The following SNX29 variants were observed in gnomAD, a reference collection of about 807,000 sequenced individuals.
The protein encoded by SNX29 is sorting nexin-29.
In SNX29, 78 loss-of-function variants were observed where a neutral mutation model predicts 102.1. The ratio of observed to expected loss-of-function variants is 0.76; its 90% CI spans 0.64 to 0.92. SNX29 has a LOEUF of 0.92. Ranked by LOEUF, SNX29 falls within the 40% of genes least tolerant of loss-of-function variation. SNX29 has a pLI of 0.00. For synonymous variants in SNX29, 580 were observed against 414.5 expected, an observed-to-expected ratio of 1.40 and a Z score of -4.85; for missense variants, 1,280 against 1,061.7, an observed-to-expected ratio of 1.21 and a Z score of -2.86.
At chr16:12,000,697 G>A (rs923558412) in intron 2 of SNX29, among the ~76,000 whole-genome samples, 5 of 152,048 alleles carry the variant, frequency 3.3e-5, no homozygotes, top group Admixed American at 6.6e-5. Context: ...CGGGGTGTAC[G>A]TTGAGTATTG....
At chr16:12,071,371 T>G (rs1016139446) in intron 10 of SNX29, among the ~76,000 whole-genome samples, 2 of 152,206 alleles carry the variant, frequency 1.3e-5, no homozygotes, top group African/African-American at 4.8e-5. Flanking sequence ...GGGATCCAGT[T>G]TCAGCTTTCT....
intron 18 of SNX29, among the ~76,000 whole-genome samples, chr16:12,413,318 C>T (rs566311874): frequency 2.6e-5 from 4 of 152,018 alleles, no homozygotes; most frequent in Admixed American, 6.5e-5. Context: ...AGGCAAAATA[C>T]GTTAGCAGTA....
chr16:12,013,808 C>T (rs1046288240), intron 3 of SNX29, among the ~76,000 whole-genome samples: 1 of 142,532 alleles, frequency 7.0e-6, no homozygotes, highest in Non-Finnish European at 1.5e-5. Context: ...CCATACCCGG[C>T]TAATTTTTTT....
At chr16:12,492,546 T>G (rs1449365142) in intron 19 of SNX29, among the ~76,000 whole-genome samples, 2 of 152,124 alleles carry the variant, frequency 1.3e-5, no homozygotes, top group African/African-American at 4.8e-5. Context: ...TAGATCCCAT[T>G]TGTCAATTTT....
At chr16:12,131,186 A>G (rs2054452201) in intron 13 of SNX29, among the ~76,000 whole-genome samples, 1 of 152,216 alleles carries the variant, frequency 6.6e-6, no homozygotes, top group Non-Finnish European at 1.5e-5. Flanking sequence ...GGTCTCTGAT[A>G]ATGCCAGGGG....
chr16:12,464,894 C>T (rs186993461), intron 18 of SNX29, among the ~76,000 whole-genome samples: 154 of 152,304 alleles, frequency 1.0e-3, no homozygotes, highest in Non-Finnish European at 1.8e-3. Context: ...TTCCTTTTCT[C>T]GATACCCTCA....
Position 12,003,124 on chromosome 16 carries a change from C to G in SNX29, c.122+81C>G, listed in dbSNP as rs537976852. On this transcript the variant is annotated intron_variant, in intron 3 of 20. Coordinates refer to ENST00000566228, the MANE Select transcript of SNX29 (RefSeq NM_032167.5). The stretch of plus-strand genomic sequence containing the variant: ...GTGGCCGGCTTCTAAAACCGTTGAC[C>G]ATCGAGGTTGGAAAGGCGGCAGAAG... 1.9e-4 allele frequency: 294 copies of G among 1,572,614 alleles called. 4 individuals carry two copies. The South Asian group carries it at 3.1e-3, about 17-fold the overall frequency.
intron 16 of SNX29, among the ~76,000 whole-genome samples, chr16:12,381,631 C>G (rs1239197742): frequency 1.2e-5 from 1 of 85,512 alleles, no homozygotes; most frequent in Non-Finnish European, 2.4e-5. Context: ...CCCACCCACC[C>G]ATCATTCATC....
At chr16:12,100,245 G>A (rs117926906) in intron 11 of SNX29, among the ~76,000 whole-genome samples, 3 of 152,332 alleles carry the variant, frequency 2.0e-5, no homozygotes, top group East Asian at 1.9e-4. Flanking sequence ...CTGCGGCACT[G>A]TCGACCTTTG....
At chr16:12,452,458 G>A (rs143667262) in intron 18 of SNX29, among the ~76,000 whole-genome samples, 48 of 152,362 alleles carry the variant, frequency 3.2e-4, no homozygotes, top group African/African-American at 8.2e-4. Context: ...GAGATCAGAG[G>A]CAGATGCCCA....
At position 12,571,036 on chromosome 16, in the gene SNX29, CCT is replaced by C. The variant is rs1233228531; in HGVS notation, c.*2411_*2412del. The C allele has an allele frequency of 1.3e-5, 3 of 232,742 alleles. No homozygotes were observed. The highest frequency in any genetic ancestry group is 6.0e-5 in the East Asian group (1 of 16,538). 14.4% of individuals were successfully genotyped at this position (232,742 alleles called of 1,614,324 possible). On this transcript the variant is annotated 3_prime_UTR_variant, in exon 21 of 21. Transcript: ENST00000566228. ...GTCATCTCGCAGATCCAGACCATCT[CCT>C]CTCATTCTCACTCTAAAAATGCTGG...
intron 20 of SNX29, among the ~76,000 whole-genome samples, chr16:12,568,265 GACTC>G (rs1355423385): frequency 6.8e-6 from 1 of 146,874 alleles, no homozygotes; most frequent in Non-Finnish European, 1.5e-5. Context: ...AGCTAGCTCA[GACTC>G]ACAGCCAAGC....
rs188330572 is a variant in SNX29, at chr16:12,087,441, A to G, written c.1402+8526A>G. The G allele has an allele frequency of 1.1e-3, 221 of 195,064 alleles. 1 individual carries two copies. The highest frequency in any genetic ancestry group is 5.0e-3 in the African/African-American group (214 of 43,136). 12.1% of individuals were successfully genotyped at this position (195,064 alleles called of 1,614,324 possible). ...CAAAATAAACAGATTAATAAAGTAA[A>G]TAAAAATTAGCTGGTCATGGTGGCA... On this transcript the variant is annotated intron_variant, in intron 11 of 20. Transcript: ENST00000566228.
chr16:12,537,142 G>GCTGGGACT, intron 20 of SNX29, among the ~76,000 whole-genome samples: 1 of 152,242 alleles, frequency 6.6e-6, no homozygotes, highest in South Asian at 2.1e-4. Flanking sequence ...GATCTCAGAG[G>GCTGGGACT]CTGGGACTCT....
chr16:12,434,809 G>A (rs890561763), intron 18 of SNX29, among the ~76,000 whole-genome samples: 6 of 152,076 alleles, frequency 3.9e-5, no homozygotes, highest in Admixed American at 1.3e-4. Flanking sequence ...AGGCTAGAAC[G>A]GGGGGATGCC....
chr16:12,542,478 C>G (rs867884006), intron 20 of SNX29, among the ~76,000 whole-genome samples: 4 of 152,206 alleles, frequency 2.6e-5, no homozygotes, highest in Admixed American at 2.0e-4. Flanking sequence ...ATTACAGGGA[C>G]CCACTACCAC....
intron 18 of SNX29, among the ~76,000 whole-genome samples, chr16:12,470,492 C>T (rs2087284737): frequency 6.6e-6 from 1 of 152,162 alleles, no homozygotes; most frequent in African/African-American, 2.4e-5. Flanking sequence ...TGGATAAATG[C>T]CCAGGCCGGC....
chr16:12,560,072 C>T (rs1388658186), intron 20 of SNX29, among the ~76,000 whole-genome samples: 3 of 152,062 alleles, frequency 2.0e-5, no homozygotes, highest in Non-Finnish European at 2.9e-5. Context: ...TATGTAACTA[C>T]TGTCCTAACA....
chr16:12,137,957 T>A (rs2054723747), intron 13 of SNX29, among the ~76,000 whole-genome samples: 1 of 152,192 alleles, frequency 6.6e-6, no homozygotes. Flanking sequence ...TGCTGCCAAC[T>A]CTGGTAGTCG....
Sources: gnomAD v4.1 joint callset for allele counts (sites outside exome capture counted in the v4.1 genomes callset) on GRCh38, gnomAD v4.1.1 for gene constraint, MANE v1.5 for transcripts, NCBI Gene and HGNC (gene_info 2026-07-23, HGNC 2026-07-21) for gene names.